FKBP1A: variants seen among roughly 807,000 people sequenced by gnomAD.
FKBP1A encodes the protein FKBP prolyl isomerase 1A.
Under a neutral mutation model 14.2 loss-of-function variants are expected in FKBP1A, and 5 were observed. The ratio of observed to expected loss-of-function variants is 0.35; its 90% confidence interval spans 0.18 to 0.74. The LOEUF (loss-of-function observed/expected upper bound fraction) is 0.74, where lower values mean the gene tolerates loss of function less well. Ranked by LOEUF, FKBP1A falls within the 30% of genes least tolerant of loss-of-function variation. FKBP1A has a pLI of 0.56. For synonymous variants in FKBP1A, 42 were observed against 49.1 expected, an observed-to-expected ratio of 0.86 and a Z score of 0.60; for missense variants, 53 against 138.8, an observed-to-expected ratio of 0.38 and a Z score of 3.10.
chr20:1,374,981 C>A (rs942502170), intron 3 of FKBP1A, among the ~76,000 whole-genome samples: 1 of 152,186 alleles, frequency 6.6e-6, no homozygotes, highest in Admixed American at 6.5e-5. Flanking sequence ...GGATTACAGG[C>A]ACCTGCCACC....
chr20:1,389,757 G>C (rs888312391), intron 2 of FKBP1A, among the ~76,000 whole-genome samples: 1 of 152,216 alleles, frequency 6.6e-6, no homozygotes, highest in Non-Finnish European at 1.5e-5. Context: ...AGTAAAAGAG[G>C]TCTAAACCTA....
intron 4 of FKBP1A, among the ~76,000 whole-genome samples, chr20:1,371,330 C>T (rs1430468781): frequency 6.6e-6 from 1 of 152,228 alleles, no homozygotes; most frequent in East Asian, 1.9e-4. Flanking sequence ...TCTGGTCCTA[C>T]TTTGCCACTG....
intron 2 of FKBP1A, among the ~76,000 whole-genome samples, chr20:1,392,580 C>G (rs1299663454): frequency 6.6e-6 from 1 of 152,302 alleles, no homozygotes; most frequent in East Asian, 1.9e-4. Flanking sequence ...ATCTAAGGTG[C>G]AGAAATGCTT....
intron 2 of FKBP1A, among the ~76,000 whole-genome samples, 166 bp from the exon 3 acceptor site, chr20:1,375,769 G>A (rs1329563064): frequency 2.0e-5 from 3 of 152,032 alleles, no homozygotes; most frequent in African/African-American, 2.4e-5. Flanking sequence ...AAGGAGTTGC[G>A]ACAGTCCTAC....
Position 1,370,029 on chromosome 20 carries a change from T to A in FKBP1A, c.*80A>T. On this transcript the variant is annotated 3_prime_UTR_variant, in exon 5 of 5. Transcript: ENST00000400137. ...ACATCAGGAAAAGCTCCATATGGAT[T>A]CATGTGCACATGTCTGGAGGCACCA... 2.6e-6 allele frequency: 4 copies of A among 1,550,184 alleles called. No individual in the cohort carries two copies. Among genetic ancestry groups the A allele is most frequent in the Non-Finnish European group, 3.5e-6 (4 of 1,146,884 alleles).
intron 4 of FKBP1A, chr20:1,370,843 C>T: frequency 3.0e-6 from 3 of 985,406 alleles, no homozygotes; most frequent in Non-Finnish European, 3.6e-6. Flanking sequence ...TCTCAAAGAA[C>T]AGGAAAGGGA....
chr20:1,379,323 A>G lies in FKBP1A; in HGVS notation c.86-3720T>C, dbSNP rs1371085518. Among the ~76,000 whole-genome samples, 1 of 152,198 alleles carries G rather than the reference A, an allele frequency of 6.6e-6. No individual in the cohort carries two copies. Among genetic ancestry groups the G allele is most frequent in the Non-Finnish European group, 1.5e-5 (1 of 68,028 alleles). On this transcript the variant is annotated intron_variant, in intron 2 of 4. Transcript: ENST00000400137. This position sits in a 1 kb window ranked among gnomAD's most constrained non-coding sequence, Gnocchi z 4.3. ...CTATCTATCTGACTGGTACCAGGCT[A>G]GGAGCACTAGGCAGGACACAGCCTG...
At chr20:1,388,464 T>TTGCTTCACAGCAGGCATC (rs1440731475) in intron 2 of FKBP1A, among the ~76,000 whole-genome samples, 3 of 152,216 alleles carry the variant, frequency 2.0e-5, no homozygotes, top group African/African-American at 4.8e-5. Flanking sequence ...CGATAGGCAT[T>TTGCTTCACAGCAGGCATC]TGCTTCACAG....
intron 2 of FKBP1A, among the ~76,000 whole-genome samples, chr20:1,385,253 G>A (rs923207678): frequency 5.9e-5 from 9 of 152,020 alleles, no homozygotes; most frequent in African/African-American, 1.9e-4. Context: ...AGCCGGGCAT[G>A]GTGGCGTGCG....
At chr20:1,390,508 T>C (rs1156406055) in intron 2 of FKBP1A, among the ~76,000 whole-genome samples, 1 of 152,100 alleles carries the variant, frequency 6.6e-6, no homozygotes, top group Admixed American at 6.6e-5. Context: ...AAAACAGAGA[T>C]GAGAACTAGA....
intron 3 of FKBP1A, among the ~76,000 whole-genome samples, chr20:1,375,061 T>G (rs1222584755): frequency 6.6e-6 from 1 of 152,156 alleles, no homozygotes; most frequent in Non-Finnish European, 1.5e-5. Flanking sequence ...GGTCTCGAAC[T>G]CCGGACCTCA....
Position 1,379,185 on chromosome 20 carries a change from A to C in FKBP1A, c.86-3582T>G, listed in dbSNP as rs1204719642. On this transcript the variant is annotated intron_variant, in intron 2 of 4. Transcript: ENST00000400137. The surrounding 1 kb of genome is among the most constrained non-coding windows in gnomAD (Gnocchi z 4.3). Reference sequence around the variant, plus strand: ...GCAGTGAAAGCCACAGGGTACTGAGACAGACTCCCTAAACTTCCTTTTTAT... The same window carrying C: ...GCAGTGAAAGCCACAGGGTACTGAGCCAGACTCCCTAAACTTCCTTTTTAT... Among the ~76,000 whole-genome samples, 1 of 152,228 alleles carries C rather than the reference A, an allele frequency of 6.6e-6. No individual in the cohort carries two copies. Among genetic ancestry groups the C allele is most frequent in the East Asian group, 1.9e-4 (1 of 5,196 alleles).
intron 3 of FKBP1A, chr20:1,374,500 A>T (rs1449517407): frequency 6.6e-6 from 1 of 152,250 alleles, no homozygotes; most frequent in Non-Finnish European, 1.5e-5. Context: ...AAGATTTAAC[A>T]ATATACTGTG....
At chr20:1,387,810 C>A (rs1026936248) in intron 2 of FKBP1A, among the ~76,000 whole-genome samples, 5 of 152,016 alleles carry the variant, frequency 3.3e-5, no homozygotes, top group African/African-American at 1.2e-4. Flanking sequence ...CCACTGCACT[C>A]CAGCCTGAGT....
chr20:1,370,053 C>T lies in FKBP1A; in HGVS notation c.*56G>A. 6.5e-7 allele frequency: 1 copy of T among 1,549,910 alleles called. No individual in the cohort carries two copies. Among genetic ancestry groups the T allele is most frequent in the Non-Finnish European group, 8.7e-7 (1 of 1,146,922 alleles). On this transcript the variant is annotated 3_prime_UTR_variant, in exon 5 of 5. Transcript: ENST00000400137. ...TTCATGTGCACATGTCTGGAGGCAC[C>T]AGATCCCTCCATGGCAGATCTGTTG...
intron 3 of FKBP1A, among the ~76,000 whole-genome samples, chr20:1,373,431 A>G (rs1322553620): frequency 6.6e-6 from 1 of 152,238 alleles, no homozygotes; most frequent in Non-Finnish European, 1.5e-5. Flanking sequence ...CACGCCTGCA[A>G]ACATGTAAAA....
At chr20:1,392,228 A>C (rs1282078437) in intron 2 of FKBP1A, among the ~76,000 whole-genome samples, 1 of 152,170 alleles carries the variant, frequency 6.6e-6, no homozygotes, top group African/African-American at 2.4e-5. Flanking sequence ...AAAAAGACGG[A>C]AGAAGGCCGT....
intron 2 of FKBP1A, chr20:1,377,988 G>C (rs914013394): frequency 6.6e-6 from 1 of 152,352 alleles, no homozygotes; most frequent in African/African-American, 2.4e-5. Context: ...AGCAACGACA[G>C]CAACAACAGC....
intron 3 of FKBP1A, among the ~76,000 whole-genome samples, chr20:1,372,486 C>T (rs893493123): frequency 5.3e-5 from 8 of 152,216 alleles, no homozygotes; most frequent in African/African-American, 1.2e-4. Flanking sequence ...ACTCTCAGAA[C>T]GGTCAGGCCC....
Sources: gnomAD v4.1 joint callset for allele counts (sites outside exome capture counted in the v4.1 genomes callset) on GRCh38, gnomAD v4.1.1 for gene constraint, Gnocchi (gnomAD v3.1) non-coding constraint, MANE v1.5 for transcripts, NCBI Gene and HGNC (gene_info 2026-07-23, HGNC 2026-07-21) for gene names.